CSPG4: variants seen among roughly 807,000 people sequenced by gnomAD.
CSPG4 encodes the protein chondroitin sulfate proteoglycan 4 (melanoma-associated).
In CSPG4, 74 loss-of-function variants were observed where a neutral mutation model predicts 139.3. That is an observed-to-expected ratio of 0.53 (90% confidence interval 0.44 to 0.64). The LOEUF (loss-of-function observed/expected upper bound fraction) is 0.64. Among genes scored for constraint, CSPG4 ranks in the 30% least tolerant of loss-of-function variants. CSPG4 has a pLI of 0.00. For synonymous variants in CSPG4, 1,234 were observed against 1,394.2 expected (o/e 0.89, Z 2.56); for missense variants, 2,565 against 3,148.3 (o/e 0.81, Z 4.43).
rs1298842599 is a variant in CSPG4, at chr15:75,687,846, C to A, written c.3219G>T (p.Glu1073Asp). 1 of 1,612,922 alleles carries A rather than the reference C, an allele frequency of 6.2e-7. No individual in the cohort carries two copies. ...LLFGSIVAVD[E>D]PTRPIYRFTQ... ...TGAAGCGGTAGATGGGCCGCGTGGG[C>A]TCATCTACGGCCACGATACTGCCAA... Residue 1073 changes from glutamate (E) to aspartate (D), a missense_variant, in exon 3 of 10, where the codon GAG becomes GAT. Coordinates refer to ENST00000308508, the MANE Select transcript of CSPG4 (RefSeq NM_001897.5). This position sits in a 1 kb window ranked among gnomAD's most constrained non-coding sequence, Gnocchi z 5.4.
At chr15:75,702,166 C>T (rs1308975038) in intron 1 of CSPG4, among the ~76,000 whole-genome samples, 1 of 152,200 alleles carries the variant, frequency 6.6e-6, no homozygotes, top group East Asian at 1.9e-4. Flanking sequence ...CCGGGTGGCA[C>T]TGAAGGCCAG....
rs758759141 is a variant in CSPG4, at chr15:75,676,251, G to T, written c.6268C>A (p.Arg2090=). Residue 2090 remains arginine (R), a synonymous_variant, in exon 10 of 10, where the codon CGG becomes AGG. Coordinates refer to ENST00000308508, the MANE Select transcript of CSPG4 (RefSeq NM_001897.5). The part of the protein sequence containing the change: ...VPRFRLLEGP[R]HGRVVRVPRA... ...GGCACGCGGACCACGCGGCCATGCCGGGGTCCCTCCAGGAGGCGGAAGCGC... is the reference window on the plus strand; with the variant it reads ...GGCACGCGGACCACGCGGCCATGCCTGGGTCCCTCCAGGAGGCGGAAGCGC... 6.4e-7 allele frequency: 1 copy of T among 1,562,924 alleles called. No individual in the cohort carries two copies. The highest frequency in any genetic ancestry group is 2.4e-5 in the East Asian group (1 of 42,454).
chr15:75,676,223 C>CG lies in CSPG4; in HGVS notation c.6295dup (p.Arg2099ProfsTer21). The CG allele has an allele frequency of 1.3e-6, 2 of 1,551,520 alleles. No individual in the cohort carries two copies. The highest frequency in any genetic ancestry group is 1.7e-6 in the Non-Finnish European group (2 of 1,155,300). On this transcript the variant is annotated frameshift_variant, in exon 10 of 10. Transcript: ENST00000308508. LOFTEE classifies it high-confidence loss of function. Reference sequence around the variant, plus strand: ...GCTGCCCCCGGGCTCCGTCCTGGCTCGGGGCACGCGGACCACGCGGCCATG... The same window carrying CG: ...GCTGCCCCCGGGCTCCGTCCTGGCTCGGGGGCACGCGGACCACGCGGCCATG...
chr15:75,706,007 CTG>C lies in CSPG4; in HGVS notation c.88+6659_88+6660del, dbSNP rs369653176. On this transcript the variant is annotated intron_variant, in intron 1 of 9. Transcript: ENST00000308508. ...TGCCTGTGTGCGTATGTCTGTGTCT[CTG>C]TGTGTGTGTGGCTAGGCCTCAGGCC... Among the ~76,000 whole-genome samples, 89 of 152,038 alleles carry C rather than the reference CTG, an allele frequency of 5.9e-4. 3 individuals are homozygous for C. The highest frequency in any genetic ancestry group is 6.5e-4 in the Non-Finnish European group (44 of 67,996).
At chr15:75,694,124 G>C (rs1473144031) in intron 1 of CSPG4, among the ~76,000 whole-genome samples, 2 of 152,266 alleles carry the variant, frequency 1.3e-5, no homozygotes, top group Non-Finnish European at 2.9e-5. Flanking sequence ...CGCAGGCTGA[G>C]GCTGAAGACA....
upstream of CSPG4, chr15:75,712,917 G>C (rs1353449356): frequency 8.8e-6 from 5 of 569,108 alleles, no homozygotes; most frequent in Non-Finnish European, 1.5e-5. Flanking sequence ...GCGCCCGCTC[G>C]GGTTTCAGGC....
In CSPG4 at chr15:75,687,213, T is replaced by A; in HGVS notation, c.3789+63A>T. ...GCCCAAGTCACGTGTGTTCCTGGCA[T>A]GGAGGCTGGGAGAAGGCCCTCTACC... On this transcript the variant is annotated intron_variant, in intron 3 of 9. Coordinates refer to ENST00000308508, the MANE Select transcript of CSPG4 (RefSeq NM_001897.5). The surrounding 1 kb of genome is among the most constrained non-coding windows in gnomAD (Gnocchi z 5.4). 1.3e-6 allele frequency: 2 copies of A among 1,587,076 alleles called. No homozygotes were observed. Among genetic ancestry groups the A allele is most frequent in the Non-Finnish European group, 1.7e-6 (2 of 1,166,064 alleles).
At chr15:75,705,828 A>AG (rs1452323983) in intron 1 of CSPG4, among the ~76,000 whole-genome samples, 5 of 152,082 alleles carry the variant, frequency 3.3e-5, no homozygotes, top group African/African-American at 1.2e-4. Context: ...GTGGGAAGTA[A>AG]AAGTGTGTGT....
intron 1 of CSPG4, among the ~76,000 whole-genome samples, chr15:75,705,992 C>CGT (rs1566978236): frequency 1.3e-5 from 2 of 151,914 alleles, no homozygotes; most frequent in African/African-American, 4.8e-5. Context: ...TGCCTGTGTG[C>CGT]GTATGTCTGT....
Position 75,677,788 on chromosome 15 carries a change from G to A in CSPG4, c.5049C>T (p.Ala1683=). The change falls in exon 9 of 10, where the codon GCC becomes GCT. Residue 1683 remains alanine (A), a synonymous_variant. Coordinates refer to ENST00000308508, the MANE Select transcript of CSPG4 (RefSeq NM_001897.5). ...CAGCAAGGGTGGCGGCCACGTCCCG[G>A]GCAGGCGGCGAGGACAGCTGGAGCT... ...TLELQLSSPP[A]RDVAATLAVA... 1 of 1,612,006 alleles carries A rather than the reference G, an allele frequency of 6.2e-7. No homozygotes were observed.
In CSPG4 at chr15:75,684,725, G is replaced by A. The variant is rs752520309; in HGVS notation, c.4449+11C>T. On this transcript the variant is annotated intron_variant, in intron 5 of 9. Transcript: ENST00000308508. ...AAGCAGACATGGGGGTGTTCCCAGG[G>A]ATGCTCTCACCTGCAGGCCTGTGTT... The A allele has an allele frequency of 3.1e-6, 5 of 1,607,776 alleles. No individual in the cohort carries two copies. Among genetic ancestry groups the A allele is most frequent in the Middle Eastern group, 1.7e-4 (1 of 6,048 alleles).
Position 75,682,479 on chromosome 15 carries a change from A to G in CSPG4, c.4784-20T>C. ...CGGACCCTGCCAGAGGCAAAAGGGG[A>G]TATCAGATTTTGACTGGGAGCCAGG... is the stretch of plus-strand genomic sequence containing the variant. On this transcript the variant is annotated intron_variant, in intron 7 of 9. Coordinates refer to ENST00000308508, the MANE Select transcript of CSPG4 (RefSeq NM_001897.5). 6.4e-7 allele frequency: 1 copy of G among 1,571,802 alleles called. No individual in the cohort carries two copies. The highest frequency in any genetic ancestry group is 8.6e-7 in the Non-Finnish European group (1 of 1,162,480).
Position 75,698,431 on chromosome 15 carries a change from C to A in CSPG4, c.89-5198G>T, listed in dbSNP as rs1168573730. 2.0e-5 allele frequency among the ~76,000 whole-genome samples: 3 copies of A among 151,932 alleles called. No homozygotes were observed. The highest frequency in any genetic ancestry group is 6.6e-5 in the Admixed American group (1 of 15,262). On this transcript the variant is annotated intron_variant, in intron 1 of 9. Coordinates refer to ENST00000308508, the MANE Select transcript of CSPG4 (RefSeq NM_001897.5). The surrounding 1 kb of genome is among the most constrained non-coding windows in gnomAD (Gnocchi z 4.3). ...CGGACCCTCCCTGAGGTCACCTGGCCCTCTAGACCTCAGGTCAGTTCCCCT... is the reference window on the plus strand; with the variant it reads ...CGGACCCTCCCTGAGGTCACCTGGCACTCTAGACCTCAGGTCAGTTCCCCT...
rs2141429289 is a variant in CSPG4, at chr15:75,688,736, C to T, written c.2329G>A (p.Val777Met). 1 of 1,611,786 alleles carries T rather than the reference C, an allele frequency of 6.2e-7. No homozygotes were observed. Among genetic ancestry groups the T allele is most frequent in the South Asian group, 1.1e-5 (1 of 90,940 alleles). ...CACACAGTGGCTCTCTGGATGGTCACTGGGAAGGACAGATTGCTCAGGATC... is the reference window on the plus strand; with the variant it reads ...CACACAGTGGCTCTCTGGATGGTCATTGGGAAGGACAGATTGCTCAGGATC... ...QEILSNLSFP[V>M]TIQRATVWML... is the part of the protein sequence containing the mutation. The change falls in exon 3 of 10, where the codon GTG becomes ATG. Residue 777 changes from valine (V) to methionine (M), a missense_variant. By Grantham distance (21) the Val-to-Met change is conservative (BLOSUM62 1). This residue lies in a region of CSPG4 where 2,316 missense variants were observed against 2,818.2 expected (regional missense o/e 0.82). Coordinates refer to ENST00000308508, the MANE Select transcript of CSPG4 (RefSeq NM_001897.5).
chr15:75,688,028 G>A lies in CSPG4; in HGVS notation c.3037C>T (p.Pro1013Ser). The change falls in exon 3 of 10, where the codon CCC (proline) becomes TCC (serine). Residue 1013 changes from proline to serine, a missense_variant. Physicochemically the swap from Pro to Ser is moderately conservative, Grantham distance 74. This residue lies in a region of CSPG4 where 2,316 missense variants were observed against 2,818.2 expected (regional missense o/e 0.82). Transcript: ENST00000308508. ...TGCACAGGGGCGTGGTCATTCACGG[G>A]CTGGATGGCCACTCGGAAGACACCC... ...VRGVFRVAIQ[P>S]VNDHAPVQTI... The A allele has an allele frequency of 1.2e-6, 2 of 1,612,008 alleles. No individual in the cohort carries two copies. Among genetic ancestry groups the A allele is most frequent in the South Asian group, 2.2e-5 (2 of 91,000 alleles).
In CSPG4 at chr15:75,698,326, G is replaced by T. The variant is rs192500677; in HGVS notation, c.89-5093C>A. Among the ~76,000 whole-genome samples the T allele has an allele frequency of 6.8e-6, 1 of 147,766 alleles. No individual in the cohort carries two copies. Among genetic ancestry groups the T allele is most frequent in the African/African-American group, 2.5e-5 (1 of 39,556 alleles). On this transcript the variant is annotated intron_variant, in intron 1 of 9. Coordinates refer to ENST00000308508, the MANE Select transcript of CSPG4 (RefSeq NM_001897.5). This position sits in a 1 kb window ranked among gnomAD's most constrained non-coding sequence, Gnocchi z 4.3. ...CTCATAGGTGTGTATGTGGTGGGGC[G>T]GGGGGTGGTCGTGGCCCACCTGGGG...
At chr15:75,692,203 C>T (rs1284343600) in intron 2 of CSPG4, among the ~76,000 whole-genome samples, 6 of 152,128 alleles carry the variant, frequency 3.9e-5, no homozygotes, top group African/African-American at 4.8e-5. Context: ...AGGCTGGTCT[C>T]GAACTCCTGA....
At chr15:75,703,473 G>A (rs1218094553) in intron 1 of CSPG4, among the ~76,000 whole-genome samples, 444 of 149,544 alleles carry the variant, frequency 3.0e-3, no homozygotes, top group African/African-American at 0.01. Flanking sequence ...GGAAGCAGGC[G>A]TCTCTGTGGC....
At chr15:75,700,387 G>C (rs1278059167) in intron 1 of CSPG4, among the ~76,000 whole-genome samples, 1 of 152,098 alleles carries the variant, frequency 6.6e-6, no homozygotes, top group African/African-American at 2.4e-5. Context: ...GCAGCGAGGA[G>C]GGGGGGACAG....
Sources: allele counts gnomAD v4.1 joint callset (sites outside exome capture counted in the v4.1 genomes callset), GRCh38; gene constraint gnomAD v4.1.1; regional missense constraint gnomAD v4.1.1; non-coding constraint Gnocchi (gnomAD v3.1); transcripts MANE v1.5; gene names NCBI Gene and HGNC (gene_info 2026-07-23, HGNC 2026-07-21).